The following MCU variants were observed in gnomAD, a reference collection of about 807,000 sequenced individuals.
The protein encoded by MCU is mitochondrial calcium uniporter.
A neutral mutation model predicts 45.2 loss-of-function variants in MCU; 12 were observed. The ratio of observed to expected loss-of-function variants is 0.27; its 90% CI spans 0.17 to 0.43. MCU has a LOEUF of 0.43. Ranked by LOEUF, MCU falls within the 20% of genes least tolerant of loss-of-function variation. The probability of loss-of-function intolerance (pLI) is 1.00; values close to 1 mark genes in which losing one functional copy is unlikely to be tolerated. For synonymous variants in MCU, 160 were observed against 165.1 expected (o/e 0.97, Z 0.24); for missense variants, 324 against 436.7 (o/e 0.74, Z 2.30).
At chr10:72,865,406 C>T (rs1475905790) in intron 4 of MCU, among the ~76,000 whole-genome samples, 1 of 152,104 alleles carries the variant, frequency 6.6e-6, no homozygotes, top group Non-Finnish European at 1.5e-5. Flanking sequence ...TTCAAAAGAC[C>T]TTTTTAATGT....
chr10:72,880,438 T>C (rs1845682684), intron 6 of MCU, among the ~76,000 whole-genome samples: 1 of 151,390 alleles, frequency 6.6e-6, no homozygotes, highest in Non-Finnish European at 1.5e-5. Flanking sequence ...CACCTTAAAA[T>C]TACTTTTAAA....
intron 1 of MCU, among the ~76,000 whole-genome samples, chr10:72,825,983 A>G (rs897997294): frequency 3.1e-4 from 47 of 152,184 alleles, no homozygotes; most frequent in African/African-American, 1.1e-3. Flanking sequence ...TATGAGCCCT[A>G]GTTGCTTATG....
intron 2 of MCU, among the ~76,000 whole-genome samples, chr10:72,841,767 T>TA (rs1015930054): frequency 1.3e-5 from 2 of 152,234 alleles, no homozygotes; most frequent in Non-Finnish European, 2.9e-5. Context: ...TGAAGACTCT[T>TA]AGGCCTAAAA....
chr10:72,699,278 G>A (rs1456852282), intron 1 of MCU, among the ~76,000 whole-genome samples: 2 of 152,024 alleles, frequency 1.3e-5, no homozygotes, highest in Admixed American at 6.6e-5. Context: ...AGGCCGAGGC[G>A]GGCGGATCAT....
intron 2 of MCU, among the ~76,000 whole-genome samples, chr10:72,846,068 A>G (rs1002913458): frequency 3.3e-5 from 5 of 152,046 alleles, no homozygotes; most frequent in Admixed American, 1.3e-4. Context: ...TTTTTGAGAC[A>G]GAGTCTTGCT....
chr10:72,846,470 G>A (rs1018386770), intron 2 of MCU, among the ~76,000 whole-genome samples: 2 of 152,118 alleles, frequency 1.3e-5, no homozygotes, highest in South Asian at 2.1e-4. Context: ...TATGCTACTC[G>A]CGCATTAGTC....
At chr10:72,832,243 G>A (rs1040344331) in intron 1 of MCU, among the ~76,000 whole-genome samples, 2 of 152,060 alleles carry the variant, frequency 1.3e-5, no homozygotes, top group Non-Finnish European at 2.9e-5. Flanking sequence ...CACTAGTAAA[G>A]TATTTTTACT....
intron 6 of MCU, among the ~76,000 whole-genome samples, chr10:72,881,573 A>G (rs111866812): frequency 2.6e-5 from 4 of 152,324 alleles, no homozygotes; most frequent in African/African-American, 7.2e-5. Flanking sequence ...TATTAACACC[A>G]TGAAGAGGGT....
intron 1 of MCU, among the ~76,000 whole-genome samples, chr10:72,767,357 C>G (rs986266348): frequency 6.6e-6 from 1 of 152,104 alleles, no homozygotes; most frequent in Non-Finnish European, 1.5e-5. Flanking sequence ...TCAGAGATTA[C>G]ATAGGACTAT....
At chr10:72,717,705 T>A (rs1842971563) in intron 1 of MCU, among the ~76,000 whole-genome samples, 1 of 152,196 alleles carries the variant, frequency 6.6e-6, no homozygotes, top group Non-Finnish European at 1.5e-5. Context: ...AATGCTTTCC[T>A]CATATATCTA....
chr10:72,855,442 C>A (rs1589498030), intron 2 of MCU, among the ~76,000 whole-genome samples: 1 of 151,810 alleles, frequency 6.6e-6, no homozygotes, highest in Admixed American at 6.6e-5. Context: ...ATTATCCAGG[C>A]ACAGTTACAT....
intron 1 of MCU, among the ~76,000 whole-genome samples, chr10:72,693,432 A>G (rs1403843438): frequency 6.6e-6 from 1 of 152,106 alleles, no homozygotes; most frequent in Non-Finnish European, 1.5e-5. Context: ...TGATAGGAGA[A>G]ACTACAATAG....
At chr10:72,865,101 C>T (rs573771624) in intron 4 of MCU, among the ~76,000 whole-genome samples, 6 of 152,140 alleles carry the variant, frequency 3.9e-5, no homozygotes, top group Middle Eastern at 3.4e-3. Context: ...CTGTAATAAC[C>T]GTATTTTTTA....
chr10:72,755,100 C>T (rs932291837), intron 1 of MCU, among the ~76,000 whole-genome samples: 2 of 150,866 alleles, frequency 1.3e-5, no homozygotes, highest in African/African-American at 2.4e-5. Context: ...CTCAGACTAC[C>T]TGGGGTCAAA....
At chr10:72,848,911 A>C (rs1289021401) in intron 2 of MCU, among the ~76,000 whole-genome samples, 1 of 152,140 alleles carries the variant, frequency 6.6e-6, no homozygotes. Flanking sequence ...AGCTGATAGA[A>C]GAAAGAGATG....
At chr10:72,875,391 C>T (rs1845602659) in intron 6 of MCU, among the ~76,000 whole-genome samples, 1 of 152,076 alleles carries the variant, frequency 6.6e-6, no homozygotes, top group African/African-American at 2.4e-5. Context: ...TCTTTAATGC[C>T]CTACCTGTCC....
At chr10:72,780,796 TA>T (rs1005169973) in intron 1 of MCU, among the ~76,000 whole-genome samples, 7 of 152,142 alleles carry the variant, frequency 4.6e-5, no homozygotes, top group African/African-American at 1.7e-4. Context: ...TCTCCAATGT[TA>T]ATATCTTCCT....
At chr10:72,854,676 G>A (rs750058277) in intron 2 of MCU, among the ~76,000 whole-genome samples, 5 of 152,210 alleles carry the variant, frequency 3.3e-5, no homozygotes, top group Non-Finnish European at 7.3e-5. Context: ...TTTTGTGTAA[G>A]ACACTTTTTC....
At chr10:72,845,070 A>G (rs1195662191) in intron 2 of MCU, among the ~76,000 whole-genome samples, 3 of 152,194 alleles carry the variant, frequency 2.0e-5, no homozygotes, top group Non-Finnish European at 4.4e-5. Flanking sequence ...TTCTAAAACT[A>G]TAATAATCAA....
Sources: gnomAD v4.1 joint callset for allele counts (sites outside exome capture counted in the v4.1 genomes callset) on GRCh38, gnomAD v4.1.1 for gene constraint, MANE v1.5 for transcripts, NCBI Gene and HGNC (gene_info 2026-07-23, HGNC 2026-07-21) for gene names.